SRSF11: variants seen among roughly 807,000 people sequenced by gnomAD.
SRSF11 encodes serine and arginine rich splicing factor 11.
A neutral mutation model predicts 56.0 loss-of-function variants in SRSF11; 9 were observed. That is an observed-to-expected ratio of 0.16 (90% CI 0.10 to 0.28). The LOEUF (loss-of-function observed/expected upper bound fraction) is 0.28, where lower values mean the gene tolerates loss of function less well. Ranked by LOEUF, SRSF11 falls within the 10% of genes least tolerant of loss-of-function variation. The pLI is 1.00. For missense variants in SRSF11, 421 were observed against 600.7 expected, an observed-to-expected ratio of 0.70 and a Z score of 3.13; for synonymous variants, 222 against 215.3, an observed-to-expected ratio of 1.03 and a Z score of -0.27.
chr1:70,218,593 GAATA>G (rs1670232225), upstream of SRSF11: 2 of 152,064 alleles, frequency 1.3e-5, no homozygotes, highest in Admixed American at 1.3e-4. Context: ...CCATCACAGA[GAATA>G]AATAAGTGTT....
intron 1 of SRSF11, among the ~76,000 whole-genome samples, chr1:70,224,180 A>C (rs1229169919): frequency 1.3e-5 from 2 of 152,134 alleles, no homozygotes; most frequent in Non-Finnish European, 2.9e-5. Flanking sequence ...GCATCATGTT[A>C]TATAAGAGAC....
chr1:70,228,430 C>T lies in SRSF11; in HGVS notation c.212C>T (p.Pro71Leu). ...ELRLFPPDDS[P>L]LPVSSRVCFV... ...ATTTGTTTATTTTTTAGTGATTCGCCTTTGCCAGTCTCATCTCGTGTCTGC... is the reference window on the plus strand; with the variant it reads ...ATTTGTTTATTTTTTAGTGATTCGCTTTTGCCAGTCTCATCTCGTGTCTGC... Residue 71 changes from proline (P) to leucine (L), a missense_variant, in exon 2 of 12, where the codon CCT becomes CTT. Physicochemically the swap from Pro to Leu is moderately conservative, Grantham distance 98. This residue lies in a region of SRSF11 where 168 missense variants were observed against 294.9 expected (regional missense o/e 0.57). Transcript: ENST00000370949. 1.2e-6 allele frequency: 2 copies of T among 1,606,906 alleles called. No individual in the cohort carries two copies. The highest frequency in any genetic ancestry group is 1.7e-6 in the Non-Finnish European group (2 of 1,176,594).
intron 3 of SRSF11, among the ~76,000 whole-genome samples, chr1:70,233,878 T>C (rs1322312857): frequency 6.6e-6 from 1 of 152,180 alleles, no homozygotes; most frequent in African/African-American, 2.4e-5. Flanking sequence ...AAGGAATTAC[T>C]AACTAGTTAT....
At chr1:70,239,133 C>T (rs1021584708) in intron 6 of SRSF11, among the ~76,000 whole-genome samples, 11 of 151,992 alleles carry the variant, frequency 7.2e-5, no homozygotes, top group South Asian at 2.1e-4. Context: ...ACTCTGTTGC[C>T]GAGGCTGGAG....
At chr1:70,224,266 C>G (rs183598570) in intron 1 of SRSF11, among the ~76,000 whole-genome samples, 4 of 152,194 alleles carry the variant, frequency 2.6e-5, no homozygotes, top group African/African-American at 9.6e-5. Context: ...TATGATTTCC[C>G]CCAAGAAGGC....
chr1:70,215,993 T>G (rs925262386), intron 1 of SRSF11, among the ~76,000 whole-genome samples: 3 of 152,148 alleles, frequency 2.0e-5, no homozygotes, highest in African/African-American at 7.2e-5. Context: ...TCCGTATTGG[T>G]CAGGCTCATC....
intron 1 of SRSF11, among the ~76,000 whole-genome samples, chr1:70,212,763 A>G (rs1669677532): frequency 6.6e-6 from 1 of 152,204 alleles, no homozygotes. Context: ...TACTATTGTT[A>G]GTCATCAATT....
At chr1:70,234,960 A>G (rs1448128029) in intron 4 of SRSF11, among the ~76,000 whole-genome samples, 172 bp downstream of exon 4, 1 of 152,214 alleles carries the variant, frequency 6.6e-6, no homozygotes, top group East Asian at 1.9e-4. Context: ...TCCTTTATCC[A>G]TTAATGGATT....
chr1:70,220,941 A>G (rs998336649), upstream of SRSF11: 1 of 152,158 alleles, frequency 6.6e-6, no homozygotes, highest in Admixed American at 6.5e-5. Flanking sequence ...TTTAGTGACA[A>G]AACAAATTAG....
intron 8 of SRSF11, among the ~76,000 whole-genome samples, chr1:70,246,168 A>G (rs1676698797): frequency 6.6e-6 from 1 of 152,118 alleles, no homozygotes; most frequent in Non-Finnish European, 1.5e-5. Context: ...TTCAACAAAT[A>G]TATATCGTTT....
At chr1:70,228,926 A>T in intron 2 of SRSF11, 1 of 984,256 alleles carries the variant, frequency 1.0e-6, no homozygotes, top group Non-Finnish European at 1.2e-6. Context: ...TAAATGCATG[A>T]TGTTATTTCT....
chr1:70,246,510 G>C (rs970156824), intron 8 of SRSF11, among the ~76,000 whole-genome samples: 6 of 151,986 alleles, frequency 3.9e-5, no homozygotes, highest in Non-Finnish European at 5.9e-5. Context: ...GAGTCTTGAG[G>C]AGCCTAGAGA....
intron 1 of SRSF11, among the ~76,000 whole-genome samples, chr1:70,210,418 A>C (rs1669459411): frequency 6.6e-6 from 1 of 152,076 alleles, no homozygotes; most frequent in African/African-American, 2.4e-5. Flanking sequence ...CAGCCTTCCA[A>C]AGTGCTGGGA....
intron 1 of SRSF11, among the ~76,000 whole-genome samples, chr1:70,224,760 C>G (rs1671400953): frequency 6.6e-6 from 1 of 152,186 alleles, no homozygotes; most frequent in Non-Finnish European, 1.5e-5. Flanking sequence ...CTAACTGTCT[C>G]TACAGCATGA....
chr1:70,246,943 T>A (rs1319815910), intron 9 of SRSF11, 36 bp downstream of exon 9: 1 of 1,549,600 alleles, frequency 6.5e-7, no homozygotes, highest in Non-Finnish European at 8.8e-7. Flanking sequence ...CAATTATTTT[T>A]TTAACTTTGC....
intron 1 of SRSF11, among the ~76,000 whole-genome samples, chr1:70,212,091 T>C (rs1669608495): frequency 6.6e-6 from 1 of 152,072 alleles, no homozygotes; most frequent in African/African-American, 2.4e-5. Flanking sequence ...GAGAGAAACA[T>C]GGCCCTTAAA....
chr1:70,243,180 C>G (rs902108726), intron 7 of SRSF11, among the ~76,000 whole-genome samples: 1 of 151,536 alleles, frequency 6.6e-6, no homozygotes, highest in African/African-American at 2.4e-5. Context: ...TGTACAGTCC[C>G]CTCCGTATAT....
At chr1:70,207,324 T>C (rs1354354333) in intron 1 of SRSF11, among the ~76,000 whole-genome samples, 2 of 152,210 alleles carry the variant, frequency 1.3e-5, no homozygotes, top group African/African-American at 4.8e-5. Flanking sequence ...ATAATACCTC[T>C]GTTTGCTATT....
intron 2 of SRSF11, chr1:70,230,323 T>C: frequency 9.6e-7 from 1 of 1,044,042 alleles, no homozygotes; most frequent in South Asian, 3.1e-5. Flanking sequence ...TTACCTCCAG[T>C]AAATACAATT....
Sources: allele counts gnomAD v4.1 joint callset (sites outside exome capture counted in the v4.1 genomes callset), GRCh38; gene constraint gnomAD v4.1.1; regional missense constraint gnomAD v4.1.1; transcripts MANE v1.5; gene names NCBI Gene and HGNC (gene_info 2026-07-23, HGNC 2026-07-21).